The following ARL6IP1 variants were observed in gnomAD, a reference collection of about 807,000 sequenced individuals.
The protein encoded by ARL6IP1 is ARL6 interacting reticulophagy regulator 1, also known as ADP-ribosylation factor-like protein 6-interacting protein 1.
ARL6IP1 carries 16 observed loss-of-function variants against 30.1 expected under a neutral mutation model. The ratio of observed to expected loss-of-function variants is 0.53; its 90% CI spans 0.36 to 0.81. The LOEUF is 0.81. ARL6IP1 is among the 30% of genes least tolerant of loss of function. The probability of loss-of-function intolerance (pLI) is 0.01; values close to 1 mark genes in which losing one functional copy is unlikely to be tolerated. For missense variants in ARL6IP1, 173 were observed against 242.7 expected, an observed-to-expected ratio of 0.71 and a Z score of 1.91; for synonymous variants, 72 against 84.8, an observed-to-expected ratio of 0.85 and a Z score of 0.83.
chr16:18,799,302 A>T (rs2030337430), intron 1 of ARL6IP1, among the ~76,000 whole-genome samples: 1 of 152,180 alleles, frequency 6.6e-6, no homozygotes, highest in Non-Finnish European at 1.5e-5. Flanking sequence ...GTGAGCCACC[A>T]GGCCCAGCCT....
chr16:18,799,289 G>C (rs1297658218), intron 1 of ARL6IP1, among the ~76,000 whole-genome samples: 4 of 152,194 alleles, frequency 2.6e-5, no homozygotes, highest in Admixed American at 1.3e-4. Flanking sequence ...TGGGATTACA[G>C]GTGTGAGCCA....
In ARL6IP1 at chr16:18,798,178, C is replaced by A. The variant is rs573091819; in HGVS notation, c.171-134G>T. On this transcript the variant is annotated intron_variant, in intron 2 of 5. Coordinates refer to ENST00000304414, the MANE Select transcript of ARL6IP1 (RefSeq NM_015161.3). ...TGCCATTTTTCTTCTAATTTTCTCA[C>A]AAGTGGCTTTCCAGAGGCTTTGTGA... is the stretch of plus-strand genomic sequence containing the variant. The A allele has an allele frequency of 1.4e-5, 12 of 881,036 alleles. No homozygotes were observed. The South Asian group carries it at 1.9e-4, about 14-fold the overall frequency. 54.6% of individuals were successfully genotyped at this position (881,036 alleles called of 1,614,324 possible).
chr16:18,801,334 GC>G, intron 1 of ARL6IP1, 96 bp downstream of exon 1: 11 of 1,563,918 alleles, frequency 7.0e-6, no homozygotes, highest in Non-Finnish European at 9.5e-6. Flanking sequence ...GAAGGGCCGG[GC>G]CCGCGGCGGG....
chr16:18,800,611 C>G (rs1162873170), intron 1 of ARL6IP1, among the ~76,000 whole-genome samples: 1 of 152,206 alleles, frequency 6.6e-6, no homozygotes, highest in African/African-American at 2.4e-5. Flanking sequence ...CTTGGAAGTT[C>G]AAAAGCCCCT....
At chr16:18,798,395 TAACA>T (rs1412702552) in intron 2 of ARL6IP1, 15 of 327,438 alleles carry the variant, frequency 4.6e-5, no homozygotes, top group Admixed American at 2.3e-4. Context: ...TATACCTATG[TAACA>T]AACCTGTACA....
intron 2 of ARL6IP1, 188 bp from the exon 3 acceptor site, chr16:18,798,232 AG>A: frequency 2.0e-6 from 1 of 497,046 alleles, no homozygotes. Context: ...GCAGTGGTTA[AG>A]TATATATCAA....
At chr16:18,800,395 TCTAGC>T (rs2030372541) in intron 1 of ARL6IP1, among the ~76,000 whole-genome samples, 1 of 152,194 alleles carries the variant, frequency 6.6e-6, no homozygotes, top group African/African-American at 2.4e-5. Context: ...AAGCAGGAGC[TCTAGC>T]CCAGGATTTG....
chr16:18,793,450 A>C, intron 5 of ARL6IP1, 80 bp from the exon 6 acceptor site: 1 of 749,058 alleles, frequency 1.3e-6, no homozygotes, highest in South Asian at 1.9e-5. Context: ...TTTTTTTTTG[A>C]GACAAAGTTT....
chr16:18,800,761 G>A (rs1456511587), intron 1 of ARL6IP1, among the ~76,000 whole-genome samples: 2 of 152,152 alleles, frequency 1.3e-5, no homozygotes, highest in Non-Finnish European at 2.9e-5. Flanking sequence ...ATAAAAATGT[G>A]TCCGCCTATG....
In ARL6IP1 at chr16:18,798,195, G is replaced by T. The variant is rs971333547; in HGVS notation, c.171-151C>A. 42 of 689,626 alleles carry T rather than the reference G, an allele frequency of 6.1e-5. No individual in the cohort carries two copies. In the African/African-American group the frequency reaches 7.2e-4, roughly 12 times the overall value. 42.7% of individuals were successfully genotyped at this position (689,626 alleles called of 1,614,324 possible). The stretch of plus-strand genomic sequence containing the variant: ...TTTTCTCACAAGTGGCTTTCCAGAG[G>T]CTTTGTGACATGCTGATATCATAGC... On this transcript the variant is annotated intron_variant, in intron 2 of 5. Coordinates refer to ENST00000304414, the MANE Select transcript of ARL6IP1 (RefSeq NM_015161.3).
At chr16:18,797,825 G>A (rs1056845758) in intron 3 of ARL6IP1, 100 bp downstream of exon 3, 2 of 1,395,824 alleles carry the variant, frequency 1.4e-6, no homozygotes, top group African/African-American at 2.9e-5. Context: ...GGTGTCTGAT[G>A]GTTAGACAAT....
rs901096257 is a variant in ARL6IP1, at chr16:18,801,532, G to A, written c.-66C>T. The A allele has an allele frequency of 5.4e-5, 85 of 1,585,482 alleles. No individual in the cohort carries two copies. In the African/African-American group the frequency reaches 8.8e-4, roughly 16 times the overall value. ...CCAACGAGTCCTCCAACCGAAACCC[G>A]CACACCAACCACAACCCGAGGGAAC... On this transcript the variant is annotated 5_prime_UTR_variant, in exon 1 of 6. Coordinates refer to ENST00000304414, the MANE Select transcript of ARL6IP1 (RefSeq NM_015161.3).
chr16:18,800,444 C>T (rs1253025351), intron 1 of ARL6IP1, among the ~76,000 whole-genome samples: 5 of 152,172 alleles, frequency 3.3e-5, no homozygotes, highest in Non-Finnish European at 7.4e-5. Flanking sequence ...CTTCTCTGTG[C>T]TTCAATTAAT....
At chr16:18,795,142 C>T (rs2030192811) in intron 4 of ARL6IP1, 3 of 230,356 alleles carry the variant, frequency 1.3e-5, no homozygotes, top group South Asian at 5.8e-5. Context: ...AAGTGATCCT[C>T]AGCCTTCCAT....
intron 1 of ARL6IP1, among the ~76,000 whole-genome samples, chr16:18,799,078 G>A (rs2030328911): frequency 1.3e-5 from 2 of 151,824 alleles, no homozygotes; most frequent in Admixed American, 1.3e-4. Context: ...GGAGTGCAGT[G>A]GGGAGATCTC....
intron 1 of ARL6IP1, among the ~76,000 whole-genome samples, chr16:18,800,524 G>A (rs2030376240): frequency 6.6e-6 from 1 of 152,186 alleles, no homozygotes; most frequent in Non-Finnish European, 1.5e-5. Context: ...AACAAACCAT[G>A]CATTTCTAAA....
chr16:18,801,319 G>A, intron 1 of ARL6IP1, 112 bp downstream of exon 1: 1 of 1,542,948 alleles, frequency 6.5e-7, no homozygotes, highest in African/African-American at 1.4e-5. Context: ...GCCTGCCCAG[G>A]GAGAGAAGGG....
intron 4 of ARL6IP1, 137 bp downstream of exon 4, chr16:18,795,325 ATT>A: frequency 1.7e-6 from 1 of 574,864 alleles, no homozygotes; most frequent in South Asian, 2.6e-5. Flanking sequence ...ATTCAGTCTA[ATT>A]AATACAGGTA....
At chr16:18,801,180 C>T (rs1369061482) in intron 1 of ARL6IP1, 2 of 1,400,920 alleles carry the variant, frequency 1.4e-6, no homozygotes, top group South Asian at 3.0e-5. Context: ...CTGCCTCCCA[C>T]TTCCTCCTCG....
Sources: allele counts gnomAD v4.1 joint callset (sites outside exome capture counted in the v4.1 genomes callset), GRCh38; gene constraint gnomAD v4.1.1; transcripts MANE v1.5; gene names NCBI Gene and HGNC (gene_info 2026-07-23, HGNC 2026-07-21).